AKAP13: variants seen among roughly 807,000 people sequenced by gnomAD.
AKAP13 encodes A-kinase anchor protein 13.
Under a neutral mutation model 264.5 loss-of-function variants are expected in AKAP13, and 80 were observed. The observed-to-expected ratio is 0.30, with a 90% CI of 0.25 to 0.36. AKAP13 has a LOEUF of 0.36. Among genes scored for constraint, AKAP13 ranks in the 10% least tolerant of loss-of-function variants. The pLI is 1.00. For missense variants in AKAP13, 3,712 were observed against 3,435.2 expected (o/e 1.08, Z -2.01); for synonymous variants, 1,380 against 1,250.2 (o/e 1.10, Z -2.19).
At chr15:85,465,026 C>G (rs113285999) in intron 1 of AKAP13, among the ~76,000 whole-genome samples, 1 of 152,032 alleles carries the variant, frequency 6.6e-6, no homozygotes, top group Non-Finnish European at 1.5e-5. Context: ...CTGCAAGCTC[C>G]GCCTCCTGGG....
At chr15:85,615,938 C>T (rs1332168269) in intron 8 of AKAP13, among the ~76,000 whole-genome samples, 1 of 152,262 alleles carries the variant, frequency 6.6e-6, no homozygotes. Context: ...TCCCAAGTTG[C>T]TCAGTGAGAT....
intron 31 of AKAP13, among the ~76,000 whole-genome samples, 193 bp from the exon 32 acceptor site, chr15:85,735,367 G>A (rs909246101): frequency 1.4e-4 from 22 of 152,082 alleles, no homozygotes; most frequent in African/African-American, 4.6e-4. Flanking sequence ...AATAATACAT[G>A]TTCCTGCTTC....
intron 1 of AKAP13, among the ~76,000 whole-genome samples, chr15:85,421,619 C>CT (rs199986687): frequency 2.0e-5 from 3 of 151,888 alleles, no homozygotes; most frequent in South Asian, 2.1e-4. Context: ...AACTTTGTAT[C>CT]TTTTTTTTTC....
intron 8 of AKAP13, among the ~76,000 whole-genome samples, chr15:85,586,573 T>C (rs1187188209): frequency 1.3e-5 from 2 of 152,176 alleles, no homozygotes; most frequent in Non-Finnish European, 1.5e-5. Flanking sequence ...AGATTTTTAC[T>C]TTATAGCTCA....
At position 85,745,765 on chromosome 15, in the gene AKAP13, CCATGTGTAGCAGTTCCTGCCAGTGCAGAT is replaced by C. The variant is rs2089351096; in HGVS notation, c.*1090_*1118del. On this transcript the variant is annotated 3_prime_UTR_variant, in exon 37 of 37. Coordinates refer to ENST00000394518, the MANE Select transcript of AKAP13 (RefSeq NM_007200.5). ...AAGTGGGTTCAGGCGAAGGGTGAAG[CCATGTGTAGCAGTTCCTGCCAGTGCAGAT>C]CTGGAGAGGAGCTGGCCCGGAAGGC... The C allele has an allele frequency of 6.6e-6, 1 of 152,272 alleles. No homozygotes were observed. Among genetic ancestry groups the C allele is most frequent in the East Asian group, 1.9e-4 (1 of 5,196 alleles). The allele number at this position is 152,272 out of a possible 1,614,324, so 9.4% of individuals were successfully genotyped here. A position where few individuals can be genotyped will look rare whatever the true frequency, so the allele number is the denominator to read the frequency against.
chr15:85,418,162 A>G (rs1253681034), intron 1 of AKAP13, among the ~76,000 whole-genome samples: 4 of 151,226 alleles, frequency 2.6e-5, no homozygotes, highest in African/African-American at 9.7e-5. Flanking sequence ...TGCAGTCTCA[A>G]TCTCCTGGGC....
intron 33 of AKAP13, 150 bp from the exon 34 acceptor site, chr15:85,740,072 T>A (rs895626458): frequency 1.2e-6 from 1 of 831,414 alleles, no homozygotes; most frequent in East Asian, 2.7e-5. Context: ...ACTTAGTTTC[T>A]TTGGTGCTTT....
chr15:85,612,508 T>G (rs529887101), intron 8 of AKAP13, among the ~76,000 whole-genome samples: 31 of 152,282 alleles, frequency 2.0e-4, no homozygotes, highest in African/African-American at 7.2e-4. Flanking sequence ...TTGAATTGAC[T>G]ATTTGATGGT....
At chr15:85,481,762 C>A (rs1258039146) in intron 1 of AKAP13, among the ~76,000 whole-genome samples, 1 of 152,180 alleles carries the variant, frequency 6.6e-6, no homozygotes, top group Non-Finnish European at 1.5e-5. Context: ...TACTAGGCAA[C>A]CTGTAGGGTT....
At chr15:85,673,512 G>A (rs762872542) in intron 14 of AKAP13, among the ~76,000 whole-genome samples, 2 of 152,150 alleles carry the variant, frequency 1.3e-5, no homozygotes, top group Non-Finnish European at 2.9e-5. Context: ...TGTGTTCACA[G>A]CATTTCTCCT....
chr15:85,470,014 GTGA>G (rs1299103148), intron 1 of AKAP13, among the ~76,000 whole-genome samples: 1 of 152,206 alleles, frequency 6.6e-6, no homozygotes, highest in Non-Finnish European at 1.5e-5. Flanking sequence ...TCAGCTGGTT[GTGA>G]TGGCTCACGC....
At chr15:85,563,268 G>A (rs1417138574) in intron 5 of AKAP13, among the ~76,000 whole-genome samples, 1 of 150,944 alleles carries the variant, frequency 6.6e-6, no homozygotes, top group Non-Finnish European at 1.5e-5. Context: ...GAGCAATGTG[G>A]GCATGCCATT....
chr15:85,623,028 C>A (rs1393697317), intron 8 of AKAP13, among the ~76,000 whole-genome samples: 1 of 152,270 alleles, frequency 6.6e-6, no homozygotes, highest in East Asian at 1.9e-4. Context: ...AGTTTTCTCA[C>A]AATTCTAAAA....
intron 1 of AKAP13, among the ~76,000 whole-genome samples, chr15:85,483,638 A>AAAAAAC (rs575585023): frequency 0.098 from 10,797 of 110,490 alleles, 915 homozygotes; most frequent in Non-Finnish European, 0.14. Flanking sequence ...GTCTCAAAAA[A>AAAAAAC]AAAAAAAAAA....
chr15:85,491,253 A>G (rs1436619762), intron 2 of AKAP13, among the ~76,000 whole-genome samples: 1 of 152,032 alleles, frequency 6.6e-6, no homozygotes, highest in East Asian at 1.9e-4. Flanking sequence ...GTGTGTACTC[A>G]GAAAACATTA....
chr15:85,555,827 C>G (rs1019326169), intron 5 of AKAP13, among the ~76,000 whole-genome samples: 1 of 98,668 alleles, frequency 1.0e-5, no homozygotes, highest in Non-Finnish European at 2.4e-5. Context: ...GTATCATATA[C>G]ATAAACTGTG....
chr15:85,680,484 G>T (rs560207506), intron 14 of AKAP13, among the ~76,000 whole-genome samples: 1 of 151,920 alleles, frequency 6.6e-6, no homozygotes, highest in African/African-American at 2.4e-5. Flanking sequence ...ACCCTAAACT[G>T]GGAAAAAGGA....
chr15:85,510,903 A>G (rs983623158), intron 2 of AKAP13, among the ~76,000 whole-genome samples: 1 of 152,234 alleles, frequency 6.6e-6, no homozygotes, highest in Admixed American at 6.5e-5. Context: ...TGTGACTGCC[A>G]TTAATAGAGA....
chr15:85,620,193 T>G (rs1021603184), intron 8 of AKAP13: 1 of 1,534,586 alleles, frequency 6.5e-7, no homozygotes, highest in African/African-American at 1.4e-5. Flanking sequence ...CTGCACCTCA[T>G]GCATTCTGAA....
Sources: gnomAD v4.1 joint callset for allele counts (sites outside exome capture counted in the v4.1 genomes callset) on GRCh38, gnomAD v4.1.1 for gene constraint, MANE v1.5 for transcripts, NCBI Gene and HGNC (gene_info 2026-07-23, HGNC 2026-07-21) for gene names.